The following TCTN1 variants were observed in gnomAD, a reference collection of about 807,000 sequenced individuals.
TCTN1 encodes tectonic-1.
A neutral mutation model predicts 65.8 loss-of-function variants in TCTN1; 58 were observed. The ratio of observed to expected loss-of-function variants is 0.88; its 90% CI spans 0.71 to 1.10. The LOEUF (loss-of-function observed/expected upper bound fraction) is 1.10, where lower values mean the gene tolerates loss of function less well. Ranked by LOEUF, TCTN1 falls within the 50% of genes least tolerant of loss-of-function variation. The pLI is 0.00. For missense variants in TCTN1, 645 were observed against 719.4 expected (o/e 0.90, Z 1.18); for synonymous variants, 273 against 289.1 (o/e 0.94, Z 0.57).
In TCTN1 at chr12:110,640,124, A is replaced by G. The variant is rs1005809751; in HGVS notation, c.844-259A>G. Among the ~76,000 whole-genome samples the G allele has an allele frequency of 3.3e-5, 5 of 152,236 alleles. No individual in the cohort carries two copies. Among genetic ancestry groups the G allele is most frequent in the East Asian group, 1.9e-4 (1 of 5,202 alleles). On this transcript the variant is annotated intron_variant, in intron 7 of 14. Transcript: ENST00000397659. This position sits in a 1 kb window ranked among gnomAD's most constrained non-coding sequence, Gnocchi z 4.9. ...ATAGTGCAGCTGTGAACATTTGTGT[A>G]CAAGTTTTTGTGTAAACTTTATGTT...
intron 6 of TCTN1, 105 bp from the exon 7 acceptor site, chr12:110,636,376 C>A: frequency 1.3e-6 from 1 of 778,448 alleles, no homozygotes; most frequent in Non-Finnish European, 2.2e-6. Flanking sequence ...TTTGTGAAGC[C>A]TTTAATAAGA....
At chr12:110,631,541 T>G (rs1366221217) in intron 4 of TCTN1, among the ~76,000 whole-genome samples, 1 of 151,936 alleles carries the variant, frequency 6.6e-6, no homozygotes, top group Non-Finnish European at 1.5e-5. Flanking sequence ...GGCTGAGGCA[T>G]GAGGATCGCT....
At position 110,626,359 on chromosome 12, in the gene TCTN1, C is replaced by A; in HGVS notation, c.342-3C>A. 6.4e-7 allele frequency: 1 copy of A among 1,569,436 alleles called. No homozygotes were observed. Among genetic ancestry groups the A allele is most frequent in the South Asian group, 1.1e-5 (1 of 87,394 alleles). ...TTTGTATTATTATTTTTTTAATTTT[C>A]AGGGGCGACAGCCAGTTTTGTAGTC... On this transcript the variant is annotated splice_region_variant and splice_polypyrimidine_tract_variant and intron_variant, in intron 2 of 14. Transcript: ENST00000397659.
chr12:110,618,809 G>T (rs986122360), intron 1 of TCTN1, among the ~76,000 whole-genome samples: 3 of 152,094 alleles, frequency 2.0e-5, no homozygotes, highest in Non-Finnish European at 2.9e-5. Context: ...GACAGAATAA[G>T]ATAGAGAATT....
At chr12:110,623,109 C>G (rs557280385) in intron 2 of TCTN1, among the ~76,000 whole-genome samples, 1 of 152,216 alleles carries the variant, frequency 6.6e-6, no homozygotes, top group Non-Finnish European at 1.5e-5. Flanking sequence ...CACACCTCAT[C>G]CTGTCAAGCA....
intron 2 of TCTN1, among the ~76,000 whole-genome samples, chr12:110,624,727 G>A (rs544629774): frequency 6.6e-6 from 1 of 152,076 alleles, no homozygotes; most frequent in South Asian, 2.1e-4. Context: ...ACAGGCACAT[G>A]CCACCACGCC....
intron 1 of TCTN1, chr12:110,616,262 T>A: frequency 2.2e-6 from 1 of 452,394 alleles, no homozygotes; most frequent in Non-Finnish European, 4.4e-6. Flanking sequence ...TTATTTTTTT[T>A]TTTTTTGGTC....
rs766274083 is a variant in TCTN1, at chr12:110,626,393, G to A, written c.373G>A (p.Val125Ile). The A allele has an allele frequency of 1.3e-6, 2 of 1,598,844 alleles. No individual in the cohort carries two copies. Among genetic ancestry groups the A allele is most frequent in the South Asian group, 2.2e-5 (2 of 89,802 alleles). ...GDSQFCSQKA[V>I]IYSLNFTANP... is the part of the protein sequence containing the mutation. ...CAGCCAGTTTTGTAGTCAAAAAGCA[G>A]TCATCTATTCATTGAATTTTACAGC... The change falls in exon 3 of 15, where the codon GTC becomes ATC. Residue 125 changes from valine (V) to isoleucine (I), a missense_variant. Coordinates refer to ENST00000397659, the MANE Select transcript of TCTN1 (RefSeq NM_001082538.3).
At chr12:110,621,453 C>T (rs1027824087) in intron 2 of TCTN1, among the ~76,000 whole-genome samples, 2 of 151,418 alleles carry the variant, frequency 1.3e-5, no homozygotes, top group African/African-American at 4.8e-5. Flanking sequence ...CTGAAAGTGA[C>T]ATTTTTGCTC....
In TCTN1 at chr12:110,639,817, C is replaced by G. The variant is rs1394791281; in HGVS notation, c.844-566C>G. The stretch of plus-strand genomic sequence containing the variant: ...AGGAGCCTTGTGTTAGCAGTCACTC[C>G]TCATTCTTCCCCAGCTTTGTCCCCC... On this transcript the variant is annotated intron_variant, in intron 7 of 14. Coordinates refer to ENST00000397659, the MANE Select transcript of TCTN1 (RefSeq NM_001082538.3). This position sits in a 1 kb window ranked among gnomAD's most constrained non-coding sequence, Gnocchi z 4.9. Among the ~76,000 whole-genome samples the G allele has an allele frequency of 2.6e-5, 4 of 152,170 alleles. No individual in the cohort carries two copies. The highest frequency in any genetic ancestry group is 5.9e-5 in the Non-Finnish European group (4 of 68,020).
chr12:110,629,467 A>C (rs1446702685), intron 4 of TCTN1: 1 of 152,588 alleles, frequency 6.6e-6, no homozygotes, highest in Non-Finnish European at 1.5e-5. Context: ...GAAGACATTT[A>C]AGTGGCCAAC....
intron 2 of TCTN1, among the ~76,000 whole-genome samples, chr12:110,622,125 G>A (rs2065472709): frequency 6.6e-6 from 1 of 151,204 alleles, no homozygotes; most frequent in Admixed American, 6.6e-5. Context: ...CAACAAGAGC[G>A]AAACTCCATA....
At chr12:110,634,109 AG>A (rs2066403072) in intron 5 of TCTN1, among the ~76,000 whole-genome samples, 1 of 152,234 alleles carries the variant, frequency 6.6e-6, no homozygotes, top group Admixed American at 6.5e-5. Flanking sequence ...AAACAAAATG[AG>A]GGGCAGAATA....
At chr12:110,620,003 A>C (rs779140766) in intron 2 of TCTN1, 47 bp downstream of exon 2, 2 of 1,613,992 alleles carry the variant, frequency 1.2e-6, no homozygotes, top group Non-Finnish European at 1.7e-6. Flanking sequence ...TTTGACCAGG[A>C]TAATACAATT....
At position 110,634,767 on chromosome 12, in the gene TCTN1, G is replaced by A. The variant is rs771664440; in HGVS notation, c.810G>A (p.Pro270=). Residue 270 remains proline (P), a synonymous_variant, in exon 6 of 15, where the codon CCG becomes CCA. Coordinates refer to ENST00000397659, the MANE Select transcript of TCTN1 (RefSeq NM_001082538.3). ...EALSMAFYSS[P]EILRVPDSRK... The stretch of plus-strand genomic sequence containing the variant: ...TCAGCATGGCTTTTTACAGCAGCCC[G>A]GAAATTCTGAGGGTAAGAATTATTT... The A allele has an allele frequency of 1.7e-5, 27 of 1,608,358 alleles. No individual in the cohort carries two copies. The highest frequency in any genetic ancestry group is 1.6e-4 in the Middle Eastern group (1 of 6,072).
rs2066836534 is a variant in TCTN1, at chr12:110,639,882, G to A, written c.844-501G>A. ...ACCGATCTACTTTTCGTCTCTATGG[G>A]TTTGCCTATTTGGACATTCCGTATA... On this transcript the variant is annotated intron_variant, in intron 7 of 14. Coordinates refer to ENST00000397659, the MANE Select transcript of TCTN1 (RefSeq NM_001082538.3). The surrounding 1 kb of genome is among the most constrained non-coding windows in gnomAD (Gnocchi z 4.9). Among the ~76,000 whole-genome samples, 1 of 152,106 alleles carries A rather than the reference G, an allele frequency of 6.6e-6. No individual in the cohort carries two copies. Among genetic ancestry groups the A allele is most frequent in the South Asian group, 2.1e-4 (1 of 4,826 alleles).
intron 5 of TCTN1, 34 bp from the exon 6 acceptor site, chr12:110,634,635 AT>A (rs747882017): frequency 2.0e-4 from 294 of 1,497,318 alleles, no homozygotes; most frequent in East Asian, 1.2e-3. Context: ...TCTCTTTTGT[AT>A]TTTTTTTTCC....
intron 3 of TCTN1, chr12:110,627,779 T>C: frequency 2.0e-6 from 1 of 500,504 alleles, no homozygotes; most frequent in Non-Finnish European, 3.5e-6. Flanking sequence ...TTAGCTCAAA[T>C]ATATGTCTAG....
At chr12:110,642,773 T>A (rs1273902481) in intron 11 of TCTN1, among the ~76,000 whole-genome samples, 2 of 152,102 alleles carry the variant, frequency 1.3e-5, no homozygotes, top group Non-Finnish European at 2.9e-5. Flanking sequence ...TTTTTTTTTT[T>A]TGAGACAAAG....
Sources: gnomAD v4.1 joint callset for allele counts (sites outside exome capture counted in the v4.1 genomes callset) on GRCh38, gnomAD v4.1.1 for gene constraint, Gnocchi (gnomAD v3.1) non-coding constraint, MANE v1.5 for transcripts, NCBI Gene and HGNC (gene_info 2026-07-23, HGNC 2026-07-21) for gene names.